Variants in EIF3B observed in about 807,000 individuals in gnomAD.
EIF3B encodes the protein eukaryotic translation initiation factor 3 subunit 9.
A neutral mutation model predicts 104.6 loss-of-function variants in EIF3B; 10 were observed. The ratio of observed to expected loss-of-function variants is 0.10; its 90% CI spans 0.06 to 0.16. The LOEUF is 0.16. EIF3B is among the 10% of genes least tolerant of loss of function. EIF3B has a pLI of 1.00. For synonymous variants in EIF3B, 542 were observed against 417.2 expected, an observed-to-expected ratio of 1.30 and a Z score of -3.65; for missense variants, 1,014 against 1,087.9, an observed-to-expected ratio of 0.93 and a Z score of 0.96.
chr7:2,371,842 G>A lies in EIF3B; in HGVS notation c.1680G>A (p.Glu560=). The A allele has an allele frequency of 6.2e-7, 1 of 1,613,886 alleles. No individual in the cohort carries two copies. Residue 560 remains glutamate (E), a synonymous_variant, in exon 11 of 19, where the codon GAG becomes GAA. Transcript: ENST00000360876. The part of the protein sequence containing the change: ...REKQVPVDVV[E]MKETIIAFAW... ...AACAGGTACCTGTGGATGTGGTCGAGATGAAAGGCAAGTTGTATTTTAGTC... is the reference window on the plus strand; with the variant it reads ...AACAGGTACCTGTGGATGTGGTCGAAATGAAAGGCAAGTTGTATTTTAGTC...
At chr7:2,361,371 C>T (rs990342577) in intron 2 of EIF3B, among the ~76,000 whole-genome samples, 2 of 152,224 alleles carry the variant, frequency 1.3e-5, no homozygotes, top group African/African-American at 4.8e-5. Flanking sequence ...AGGATGGCCT[C>T]TTGACCCTCA....
At chr7:2,371,020 A>G (rs559073970) in intron 10 of EIF3B, among the ~76,000 whole-genome samples, 2,019 of 152,176 alleles carry the variant, frequency 0.013, 42 homozygotes, top group African/African-American at 0.046. Context: ...CCGAGATTGC[A>G]CCACTGCACT....
intron 2 of EIF3B, among the ~76,000 whole-genome samples, chr7:2,362,218 C>A (rs531900902): frequency 7.2e-5 from 11 of 152,232 alleles, no homozygotes; most frequent in Admixed American, 2.6e-4. Context: ...CCTTGGCCTC[C>A]CAAAGTGCTG....
intron 18 of EIF3B, 147 bp downstream of exon 18, chr7:2,379,658 G>A: frequency 1.4e-5 from 9 of 632,070 alleles, no homozygotes; most frequent in Non-Finnish European, 2.5e-5. Context: ...TGAGCCTCGT[G>A]TGAAATGTAG....
intron 8 of EIF3B, 179 bp from the exon 9 acceptor site, chr7:2,366,820 G>A (rs1780052496): frequency 1.2e-6 from 1 of 803,766 alleles, no homozygotes; most frequent in Non-Finnish European, 2.0e-6. Flanking sequence ...AATGCAGTGG[G>A]CTTCAGAACT....
Position 2,359,047 on chromosome 7 carries a change from T to G in EIF3B, c.500-1663T>G, listed in dbSNP as rs1779602844. 2.0e-5 allele frequency among the ~76,000 whole-genome samples: 3 copies of G among 152,120 alleles called. No homozygotes were observed. In the South Asian group the frequency reaches 6.2e-4, roughly 32 times the overall value. On this transcript the variant is annotated intron_variant, in intron 1 of 18. Transcript: ENST00000360876. ...TAGCCTGGGCAGCATAACAAGACCC[T>G]GTCTCTTTACAAAGAAAAAAAAAAG...
chr7:2,358,272 T>C (rs6461332), intron 1 of EIF3B, among the ~76,000 whole-genome samples: 70,174 of 151,948 alleles, frequency 0.46, 17,355 homozygotes, highest in East Asian at 0.74. Context: ...TTAATACAGA[T>C]GGGGTTTTGC....
At chr7:2,366,973 C>T (rs759372117) in intron 8 of EIF3B, 26 bp from the exon 9 acceptor site, 1 of 1,609,148 alleles carries the variant, frequency 6.2e-7, no homozygotes, top group Non-Finnish European at 8.5e-7. Context: ...TTTGACTCAA[C>T]TGCAGCCTTC....
At chr7:2,371,246 C>T (rs1006840861) in intron 10 of EIF3B, among the ~76,000 whole-genome samples, 10 of 152,352 alleles carry the variant, frequency 6.6e-5, no homozygotes, top group African/African-American at 2.2e-4. Flanking sequence ...ACAGCGTTCC[C>T]ACAGCTGGTC....
chr7:2,356,615 A>C (rs567816245), intron 1 of EIF3B, among the ~76,000 whole-genome samples: 1 of 146,790 alleles, frequency 6.8e-6, no homozygotes, highest in African/African-American at 2.7e-5. Flanking sequence ...AAAAAAAAAA[A>C]AAAGAAAAAG....
chr7:2,358,113 G>C (rs80334863), intron 1 of EIF3B, among the ~76,000 whole-genome samples: 1 of 137,028 alleles, frequency 7.3e-6, no homozygotes, highest in Non-Finnish European at 1.6e-5. Context: ...TTTTTTTTTT[G>C]AGACAGAGTC....
At chr7:2,370,049 T>A (rs1280801983) in intron 10 of EIF3B, among the ~76,000 whole-genome samples, 5 of 152,170 alleles carry the variant, frequency 3.3e-5, no homozygotes, top group Non-Finnish European at 7.3e-5. Flanking sequence ...AGGGCTGGGA[T>A]TACAGGCGTG....
In EIF3B at chr7:2,366,505, G is replaced by A; in HGVS notation, c.1290-20G>A. The A allele has an allele frequency of 6.2e-7, 1 of 1,614,160 alleles. No individual in the cohort carries two copies. The highest frequency in any genetic ancestry group is 1.1e-5 in the South Asian group (1 of 91,078). On this transcript the variant is annotated intron_variant, in intron 7 of 18. Transcript: ENST00000360876. The stretch of plus-strand genomic sequence containing the variant: ...CTTTGTCTTTTCATGGGAATACCCT[G>A]GCACTTTTGTTTTTCTTAGGTGGAG...
chr7:2,363,053 T>C lies in EIF3B; in HGVS notation c.813-17T>C, dbSNP rs757992877. ...GTCGTCAGGGCGTGGGGCTCAGCAG[T>C]CTCCTTTCTTCTCCAGGTATATGAC... On this transcript the variant is annotated splice_polypyrimidine_tract_variant and intron_variant, in intron 3 of 18. Coordinates refer to ENST00000360876, the MANE Select transcript of EIF3B (RefSeq NM_001037283.2). The C allele has an allele frequency of 6.2e-7, 1 of 1,613,986 alleles. No homozygotes were observed. The highest frequency in any genetic ancestry group is 8.5e-7 in the Non-Finnish European group (1 of 1,179,940).
chr7:2,368,831 C>G (rs916758363), intron 9 of EIF3B, among the ~76,000 whole-genome samples: 1 of 152,204 alleles, frequency 6.6e-6, no homozygotes, highest in African/African-American at 2.4e-5. Context: ...TTCCAACAAT[C>G]CAAGGACATT....
intron 5 of EIF3B, 140 bp downstream of exon 5, chr7:2,363,900 T>A: frequency 1.0e-6 from 1 of 978,166 alleles, no homozygotes; most frequent in Non-Finnish European, 1.5e-6. Flanking sequence ...AAACAACTTC[T>A]TTTATTCCTC....
chr7:2,372,837 C>G (rs976351097), intron 12 of EIF3B, 42 bp downstream of exon 12: 1 of 1,598,880 alleles, frequency 6.3e-7, no homozygotes, highest in East Asian at 2.2e-5. Context: ...TAGGTCAGCA[C>G]AGATGATGAC....
chr7:2,364,650 G>C, intron 6 of EIF3B, 121 bp downstream of exon 6: 1 of 882,614 alleles, frequency 1.1e-6, no homozygotes, highest in Non-Finnish European at 1.8e-6. Flanking sequence ...TATGCAGAAC[G>C]CTAATAAGCT....
chr7:2,378,976 G>A, intron 16 of EIF3B, 158 bp from the exon 17 acceptor site: 2 of 755,316 alleles, frequency 2.6e-6, no homozygotes. Context: ...TGGGTGGGGG[G>A]CAGCGTTGGG....
Sources: allele counts gnomAD v4.1 joint callset (sites outside exome capture counted in the v4.1 genomes callset), GRCh38; gene constraint gnomAD v4.1.1; transcripts MANE v1.5; gene names NCBI Gene and HGNC (gene_info 2026-07-23, HGNC 2026-07-21).